The following PCDHGA4 variants were observed in gnomAD, a reference collection of about 807,000 sequenced individuals.
The protein encoded by PCDHGA4 is protocadherin gamma-A4.
A neutral mutation model predicts 54.6 loss-of-function variants in PCDHGA4; 38 were observed. The observed-to-expected ratio is 0.70, with a 90% CI of 0.54 to 0.91. PCDHGA4 has a LOEUF of 0.91. Ranked by LOEUF, PCDHGA4 falls within the 40% of genes least tolerant of loss-of-function variation. The pLI is 0.00. For missense variants in PCDHGA4, 1,298 were observed against 1,220.9 expected (o/e 1.06, Z -0.94); for synonymous variants, 511 against 512.9 (o/e 1.00, Z 0.05).
chr5:141,408,878 G>A lies in PCDHGA4; in HGVS notation c.2514+51257G>A. The stretch of plus-strand genomic sequence containing the variant: ...AGGGGACCCACCAAGAAGTGCCACC[G>A]CTCACATAGAAATTTCTGTCAAGGA... On this transcript the variant is annotated intron_variant, in intron 1 of 3. Coordinates refer to ENST00000571252, the MANE Select transcript of PCDHGA4 (RefSeq NM_018917.4). 1.9e-6 allele frequency: 3 copies of A among 1,613,048 alleles called. No homozygotes were observed. Among genetic ancestry groups the A allele is most frequent in the Non-Finnish European group, 1.7e-6 (2 of 1,179,590 alleles).
At chr5:141,439,202 A>AG (rs1348445707) in intron 1 of PCDHGA4, among the ~76,000 whole-genome samples, 2 of 151,954 alleles carry the variant, frequency 1.3e-5, no homozygotes, top group African/African-American at 4.8e-5. Context: ...AAAAAAAAAA[A>AG]AAATCCATAT....
At chr5:141,449,055 A>T (rs1056298558) in intron 1 of PCDHGA4, among the ~76,000 whole-genome samples, 1 of 152,188 alleles carries the variant, frequency 6.6e-6, no homozygotes, top group Non-Finnish European at 1.5e-5. Context: ...CTCATAAATG[A>T]GCGCTATTGA....
In PCDHGA4 at chr5:141,393,378, G is replaced by A. The variant is rs1207426335; in HGVS notation, c.2514+35757G>A. On this transcript the variant is annotated intron_variant, in intron 1 of 3. Coordinates refer to ENST00000571252, the MANE Select transcript of PCDHGA4 (RefSeq NM_018917.4). ...GGACGTGCAGACTGGAGACAATGGA[G>A]CCATAAACCCAGAGCTGGTGCTGGA... The A allele has an allele frequency of 1.9e-6, 3 of 1,613,982 alleles. No individual in the cohort carries two copies. The highest frequency in any genetic ancestry group is 2.2e-5 in the East Asian group (1 of 44,866).
chr5:141,391,570 A>G (rs931571256), intron 1 of PCDHGA4: 4 of 152,236 alleles, frequency 2.6e-5, no homozygotes, highest in African/African-American at 7.2e-5. Context: ...TGCATAAGAA[A>G]ATATATTCAC....
At chr5:141,422,587 C>G in intron 1 of PCDHGA4, 2 of 1,614,032 alleles carry the variant, frequency 1.2e-6, no homozygotes, top group Non-Finnish European at 1.7e-6. Flanking sequence ...TCCCGTTTTT[C>G]CTCACTCCTC....
intron 1 of PCDHGA4, chr5:141,430,515 G>A (rs1016446331): frequency 2.1e-5 from 7 of 340,180 alleles, no homozygotes; most frequent in Admixed American, 1.8e-4. Flanking sequence ...TCAAGATTGT[G>A]CAGTAATTGG....
chr5:141,429,741 C>T (rs2097240604), intron 1 of PCDHGA4, among the ~76,000 whole-genome samples: 1 of 152,106 alleles, frequency 6.6e-6, no homozygotes, highest in Admixed American at 6.5e-5. Flanking sequence ...CCAGTTATTT[C>T]TTAGGGAGAA....
At chr5:141,383,600 A>G (rs1429825116) in intron 1 of PCDHGA4, 2 of 1,613,728 alleles carry the variant, frequency 1.2e-6, no homozygotes, top group South Asian at 2.2e-5. Flanking sequence ...ACAGTGGTGG[A>G]TGTGAATGAC....
chr5:141,418,389 A>G (rs768078575), intron 1 of PCDHGA4: 1 of 1,613,996 alleles, frequency 6.2e-7, no homozygotes, highest in South Asian at 1.1e-5. Context: ...CCTAACGAGT[A>G]TTTCTCATTG....
At chr5:141,497,969 C>T (rs1595499086) in intron 2 of PCDHGA4, among the ~76,000 whole-genome samples, 1 of 152,160 alleles carries the variant, frequency 6.6e-6, no homozygotes. Flanking sequence ...GCAGTGTTCT[C>T]GATGTGGGAG....
chr5:141,497,062 A>C (rs779414748), intron 2 of PCDHGA4, among the ~76,000 whole-genome samples: 6 of 152,024 alleles, frequency 3.9e-5, no homozygotes, highest in Non-Finnish European at 7.4e-5. Flanking sequence ...GGTGGCAGGC[A>C]CCTGTAATCC....
At chr5:141,441,005 C>T (rs772059231) in intron 1 of PCDHGA4, 1 of 152,116 alleles carries the variant, frequency 6.6e-6, no homozygotes, top group Non-Finnish European at 1.5e-5. Context: ...CTAGTTTGGC[C>T]TTGATCAAAT....
chr5:141,374,050 T>C (rs1156255025), intron 1 of PCDHGA4: 1 of 1,475,134 alleles, frequency 6.8e-7, no homozygotes, highest in African/African-American at 1.4e-5. Flanking sequence ...TTCTTCCTCT[T>C]CTTAATCCCA....
At chr5:141,497,050 G>T (rs113054804) in intron 2 of PCDHGA4, among the ~76,000 whole-genome samples, 5,544 of 152,084 alleles carry the variant, frequency 0.036, 137 homozygotes, top group South Asian at 0.074. Context: ...TTAGCCAGGC[G>T]TGGTGGCAGG....
At chr5:141,414,670 A>G in intron 1 of PCDHGA4, 1 of 1,613,894 alleles carries the variant, frequency 6.2e-7, no homozygotes. Context: ...GGCTGAAGAC[A>G]CCATCCAGGG....
chr5:141,399,546 G>A, intron 1 of PCDHGA4: 1 of 1,614,032 alleles, frequency 6.2e-7, no homozygotes, highest in Non-Finnish European at 8.5e-7. Context: ...TCTGCGCCTC[G>A]GACCTGGACT....
intron 1 of PCDHGA4, chr5:141,371,743 C>G: frequency 6.2e-7 from 1 of 1,614,054 alleles, no homozygotes; most frequent in South Asian, 1.1e-5. Flanking sequence ...GACAACGTTC[C>G]CGTTTTCCAC....
chr5:141,495,449 GCT>G (rs560850951), intron 2 of PCDHGA4, among the ~76,000 whole-genome samples: 3 of 152,194 alleles, frequency 2.0e-5, no homozygotes, highest in Non-Finnish European at 2.9e-5. Flanking sequence ...TACTTGTCCT[GCT>G]CTCTGTCTGT....
At chr5:141,391,727 TTTGTAGTCATACTTA>T (rs1212107227) in intron 1 of PCDHGA4, 1 of 152,206 alleles carries the variant, frequency 6.6e-6, no homozygotes. Context: ...AACAGACTTT[TTTGTAGTCATACTTA>T]TCCTTTGGCT....
Sources: gnomAD v4.1 joint callset for allele counts (sites outside exome capture counted in the v4.1 genomes callset) on GRCh38, gnomAD v4.1.1 for gene constraint, MANE v1.5 for transcripts, NCBI Gene and HGNC (gene_info 2026-07-23, HGNC 2026-07-21) for gene names.